Variants in RALGPS2 observed in about 807,000 individuals in gnomAD.
RALGPS2 encodes Ral GEF with PH domain and SH3 binding motif 2.
A neutral mutation model predicts 86.8 loss-of-function variants in RALGPS2; 43 were observed. That is an observed-to-expected ratio of 0.50 (90% CI 0.39 to 0.64). RALGPS2 has a LOEUF of 0.64. Among genes scored for constraint, RALGPS2 ranks in the 30% least tolerant of loss-of-function variants. RALGPS2 has a pLI of 0.00. For synonymous variants in RALGPS2, 243 were observed against 231.3 expected, an observed-to-expected ratio of 1.05 and a Z score of -0.46; for missense variants, 536 against 694.6, an observed-to-expected ratio of 0.77 and a Z score of 2.57.
In RALGPS2 at chr1:178,749,053, G is replaced by A. The variant is rs867748424; in HGVS notation, c.-84+23634G>A. ...GAGTCTTGCTGTGTTGCCTAGGCTA[G>A]TCTTGAACTCCTGGGCTCAAGCTGT... On this transcript the variant is annotated intron_variant, in intron 1 of 19. Coordinates refer to ENST00000367635, the MANE Select transcript of RALGPS2 (RefSeq NM_152663.5). Among the ~76,000 whole-genome samples the A allele has an allele frequency of 5.9e-5, 9 of 152,254 alleles. No homozygotes were observed. The South Asian group carries it at 1.7e-3, about 28-fold the overall frequency.
At chr1:178,853,657 C>A in intron 8 of RALGPS2, 2 of 1,612,370 alleles carry the variant, frequency 1.2e-6, no homozygotes, top group Non-Finnish European at 1.7e-6. Context: ...GAATAACAGT[C>A]CAACCCCCAG....
Position 178,808,127 on chromosome 1 carries a change from A to C in RALGPS2, c.296A>C (p.His99Pro). The C allele has an allele frequency of 1.3e-6, 2 of 1,586,078 alleles. No individual in the cohort carries two copies. The highest frequency in any genetic ancestry group is 1.7e-6 in the Non-Finnish European group (2 of 1,155,896). Residue 99 changes from histidine (H) to proline (P), a missense_variant and splice_region_variant, in exon 5 of 20, where the codon CAT becomes CCT. This residue lies in a region of RALGPS2 where 184 missense variants were observed against 296.7 expected (regional missense o/e 0.62). Transcript: ENST00000367635. The part of the protein sequence containing the change: ...NAVAFTRRFN[H>P]VSFWVVREIL... Reference sequence around the variant, plus strand: ...GTTGCCTTCACAAGAAGATTCAATCATGTGAGTTTATAAATTTTGATACTG... The same window carrying C: ...GTTGCCTTCACAAGAAGATTCAATCCTGTGAGTTTATAAATTTTGATACTG...
chr1:178,857,480 A>G (rs934825667), intron 8 of RALGPS2, among the ~76,000 whole-genome samples: 3 of 152,140 alleles, frequency 2.0e-5, no homozygotes, highest in African/African-American at 7.2e-5. Flanking sequence ...TTCCACTATA[A>G]TATGACAAGT....
chr1:178,771,559 A>C (rs958527117), intron 1 of RALGPS2, among the ~76,000 whole-genome samples: 2 of 150,554 alleles, frequency 1.3e-5, no homozygotes, highest in South Asian at 4.2e-4. Context: ...AGTTCTTCAC[A>C]CAATATAGTT....
intron 10 of RALGPS2, 83 bp downstream of exon 10, chr1:178,879,075 CCTA>C: frequency 6.6e-7 from 1 of 1,524,770 alleles, no homozygotes; most frequent in Non-Finnish European, 8.8e-7. Flanking sequence ...ACATCTAAAT[CCTA>C]CATGGTATCA....
intron 4 of RALGPS2, among the ~76,000 whole-genome samples, chr1:178,797,154 G>C (rs1654231849): frequency 6.6e-6 from 1 of 152,102 alleles, no homozygotes; most frequent in African/African-American, 2.4e-5. Flanking sequence ...GTTCATATGA[G>C]ATATTTTAGT....
chr1:178,807,294 C>T (rs975258061), intron 4 of RALGPS2, among the ~76,000 whole-genome samples: 3 of 152,122 alleles, frequency 2.0e-5, no homozygotes, highest in African/African-American at 7.2e-5. Flanking sequence ...ATGACCCTAC[C>T]AGTATACTCC....
intron 4 of RALGPS2, among the ~76,000 whole-genome samples, chr1:178,802,225 A>C (rs1284200364): frequency 2.0e-5 from 3 of 152,160 alleles, no homozygotes; most frequent in African/African-American, 7.2e-5. Context: ...TAAGCTAGAA[A>C]AAAGAAAATG....
chr1:178,758,017 G>A (rs2102058709), intron 1 of RALGPS2, among the ~76,000 whole-genome samples: 1 of 152,060 alleles, frequency 6.6e-6, no homozygotes, highest in South Asian at 2.1e-4. Flanking sequence ...CAATCTTGGG[G>A]GGTTGTGATT....
chr1:178,808,323 C>G (rs1654831526), intron 5 of RALGPS2, among the ~76,000 whole-genome samples, 195 bp downstream of exon 5: 1 of 151,980 alleles, frequency 6.6e-6, no homozygotes, highest in Admixed American at 6.6e-5. Context: ...GACATTCTTT[C>G]CTGCTTGTCT....
intron 8 of RALGPS2, chr1:178,850,751 A>AT (rs1370638642): frequency 6.4e-6 from 1 of 155,084 alleles, no homozygotes; most frequent in Non-Finnish European, 1.4e-5. Flanking sequence ...TTTTAAAAAT[A>AT]TTTTTTTCAC....
At chr1:178,846,197 T>C (rs1202770189) in intron 8 of RALGPS2, among the ~76,000 whole-genome samples, 1 of 152,196 alleles carries the variant, frequency 6.6e-6, no homozygotes, top group African/African-American at 2.4e-5. Flanking sequence ...TCTCGTTTGA[T>C]AGAATTTTTC....
At chr1:178,816,636 A>G (rs997692590) in intron 6 of RALGPS2, among the ~76,000 whole-genome samples, 2 of 151,364 alleles carry the variant, frequency 1.3e-5, no homozygotes, top group African/African-American at 4.9e-5. Context: ...TTGTTTAATA[A>G]ATCTTTTCTT....
intron 4 of RALGPS2, among the ~76,000 whole-genome samples, chr1:178,804,253 C>CT (rs11302348): frequency 0.049 from 6,496 of 132,080 alleles, 180 homozygotes; most frequent in African/African-American, 0.081. Context: ...GCTGTTTCTT[C>CT]TTTTTTTTTT....
chr1:178,791,162 C>T (rs937315239), intron 4 of RALGPS2, among the ~76,000 whole-genome samples: 7 of 152,072 alleles, frequency 4.6e-5, no homozygotes, highest in Non-Finnish European at 7.4e-5. Context: ...ACTGTATTGC[C>T]CAGGCTGGAT....
chr1:178,850,824 G>T (rs988172922), intron 8 of RALGPS2: 1 of 205,558 alleles, frequency 4.9e-6, no homozygotes, highest in South Asian at 1.7e-4. Context: ...TGTTATTTAT[G>T]ATTTAAAATA....
At position 178,858,277 on chromosome 1, in the gene RALGPS2, T is replaced by C. The variant is rs1184092333; in HGVS notation, c.608-19221T>C. ...TCTCATTATTACTTGAAAATCTTAT[T>C]TACTTTCTGCCCTAAAATTAGATTC... is the stretch of plus-strand genomic sequence containing the variant. On this transcript the variant is annotated intron_variant, in intron 8 of 19. Transcript: ENST00000367635. Among the ~76,000 whole-genome samples, 5 of 152,298 alleles carry C rather than the reference T, an allele frequency of 3.3e-5. No homozygotes were observed. In the South Asian group the frequency reaches 1.0e-3, roughly 32 times the overall value.
chr1:178,907,072 G>A (rs966955370), intron 19 of RALGPS2, among the ~76,000 whole-genome samples: 6 of 152,144 alleles, frequency 3.9e-5, no homozygotes, highest in Non-Finnish European at 7.3e-5. Flanking sequence ...ACAAAATTTC[G>A]AACAGTCAGA....
At chr1:178,741,922 G>C (rs938408346) in intron 1 of RALGPS2, among the ~76,000 whole-genome samples, 3 of 152,176 alleles carry the variant, frequency 2.0e-5, no homozygotes, top group Admixed American at 6.5e-5. Flanking sequence ...AGGATCATGA[G>C]GTCAGGAGAT....
Sources: gnomAD v4.1 joint callset for allele counts (sites outside exome capture counted in the v4.1 genomes callset) on GRCh38, gnomAD v4.1.1 for gene constraint, gnomAD v4.1.1 regional missense constraint, MANE v1.5 for transcripts, NCBI Gene and HGNC (gene_info 2026-07-23, HGNC 2026-07-21) for gene names.